Variants in TAOK3 observed in about 807,000 individuals in gnomAD.
TAOK3 encodes the protein serine/threonine-protein kinase TAO3.
Under a neutral mutation model 120.4 loss-of-function variants are expected in TAOK3, and 40 were observed. The observed-to-expected ratio is 0.33, with a 90% CI of 0.26 to 0.43. TAOK3 has a LOEUF of 0.43. Among genes scored for constraint, TAOK3 ranks in the 20% least tolerant of loss-of-function variants. TAOK3 has a pLI of 1.00. For missense variants in TAOK3, 821 were observed against 1,112.1 expected (o/e 0.74, Z 3.72); for synonymous variants, 355 against 387.5 (o/e 0.92, Z 0.99).
chr12:118,179,738 G>C (rs1347972552), intron 15 of TAOK3, among the ~76,000 whole-genome samples: 2 of 144,182 alleles, frequency 1.4e-5, no homozygotes, highest in Non-Finnish European at 3.0e-5. Context: ...TCCGCCTCCC[G>C]GGTTCAAGTG....
At chr12:118,180,836 T>C (rs1200618507) in intron 15 of TAOK3, among the ~76,000 whole-genome samples, 4 of 151,872 alleles carry the variant, frequency 2.6e-5, no homozygotes, top group Non-Finnish European at 5.9e-5. Flanking sequence ...ACTCAGAATA[T>C]ACATAAGTAT....
At chr12:118,250,500 A>C (rs1233633512) in intron 3 of TAOK3, among the ~76,000 whole-genome samples, 1 of 152,184 alleles carries the variant, frequency 6.6e-6, no homozygotes, top group African/African-American at 2.4e-5. Flanking sequence ...TAGCTGCCAG[A>C]CTCTGGTCTT....
At chr12:118,257,214 T>G (rs990740321) in intron 2 of TAOK3, among the ~76,000 whole-genome samples, 3 of 152,210 alleles carry the variant, frequency 2.0e-5, no homozygotes, top group Non-Finnish European at 4.4e-5. Flanking sequence ...ATGTGGTATA[T>G]TCATATAGAA....
chr12:118,247,291 A>C (rs2040557188), intron 3 of TAOK3, among the ~76,000 whole-genome samples: 1 of 152,184 alleles, frequency 6.6e-6, no homozygotes, highest in Non-Finnish European at 1.5e-5. Context: ...ACTGTATTAC[A>C]TATATACATG....
chr12:118,364,736 C>T (rs1174547327), intron 1 of TAOK3, among the ~76,000 whole-genome samples: 2 of 151,928 alleles, frequency 1.3e-5, no homozygotes, highest in East Asian at 3.9e-4. Context: ...GGTGAAATCC[C>T]CCTACTAAAA....
At chr12:118,367,049 C>T (rs1243131557) in intron 1 of TAOK3, among the ~76,000 whole-genome samples, 1 of 152,176 alleles carries the variant, frequency 6.6e-6, no homozygotes, top group Non-Finnish European at 1.5e-5. Context: ...CAGAGTAAGG[C>T]TGTCTCGAAA....
At chr12:118,184,970 A>C (rs928539703) in intron 14 of TAOK3, among the ~76,000 whole-genome samples, 1 of 152,186 alleles carries the variant, frequency 6.6e-6, no homozygotes, top group African/African-American at 2.4e-5. Context: ...ACTCCTAGGA[A>C]ATGCTCAACA....
At chr12:118,323,440 A>G (rs1231584852) in intron 1 of TAOK3, among the ~76,000 whole-genome samples, 2 of 152,202 alleles carry the variant, frequency 1.3e-5, no homozygotes, top group African/African-American at 4.8e-5. Context: ...ACACAGGAAA[A>G]AATAAAACCA....
chr12:118,299,824 TA>T (rs1195461644), intron 1 of TAOK3, among the ~76,000 whole-genome samples: 1 of 152,168 alleles, frequency 6.6e-6, no homozygotes, highest in Non-Finnish European at 1.5e-5. Flanking sequence ...AAGGTTATTT[TA>T]TTTTTTTTTT....
chr12:118,291,057 T>G (rs935643668), intron 1 of TAOK3, among the ~76,000 whole-genome samples: 3 of 151,016 alleles, frequency 2.0e-5, no homozygotes, highest in Non-Finnish European at 2.9e-5. Flanking sequence ...GGTTTTGCCA[T>G]GTTGGCCAGG....
intron 1 of TAOK3, among the ~76,000 whole-genome samples, chr12:118,339,927 C>T (rs2141111279): frequency 6.6e-6 from 1 of 152,234 alleles, no homozygotes; most frequent in Non-Finnish European, 1.5e-5. Context: ...AAATAATAAA[C>T]TACTATTCAT....
In TAOK3 at chr12:118,215,689, A is replaced by C. The variant is rs183703884; in HGVS notation, c.644-1579T>G. 1.6e-3 allele frequency among the ~76,000 whole-genome samples: 247 copies of C among 152,182 alleles called. 3 individuals carry two copies. Among genetic ancestry groups the C allele is most frequent in the Non-Finnish European group, 7.5e-4 (51 of 67,980 alleles). On this transcript the variant is annotated intron_variant, in intron 9 of 20. Coordinates refer to ENST00000392533, the MANE Select transcript of TAOK3 (RefSeq NM_016281.4). Reference sequence around the variant, plus strand: ...TTATAAATAAAGTCTGGTCCATCCCACTCTAAAGAGAAACTCAGTGAGTCA... The same window carrying C: ...TTATAAATAAAGTCTGGTCCATCCCCCTCTAAAGAGAAACTCAGTGAGTCA...
intron 1 of TAOK3, among the ~76,000 whole-genome samples, chr12:118,282,769 C>T (rs561272969): frequency 1.3e-5 from 2 of 152,130 alleles, no homozygotes; most frequent in Admixed American, 6.5e-5. Flanking sequence ...TCTGCTGTGC[C>T]CTGAGCTTGC....
At chr12:118,183,824 A>G (rs1394204384) in intron 14 of TAOK3, among the ~76,000 whole-genome samples, 5 of 152,236 alleles carry the variant, frequency 3.3e-5, no homozygotes, top group Non-Finnish European at 1.5e-5. Context: ...TCAGATTCCC[A>G]AAGCTGAGGC....
At chr12:118,336,870 A>G (rs1402254771) in intron 1 of TAOK3, among the ~76,000 whole-genome samples, 1 of 152,160 alleles carries the variant, frequency 6.6e-6, no homozygotes, top group Non-Finnish European at 1.5e-5. Context: ...CCAGGAGTTC[A>G]TGACCAGCCT....
At position 118,185,178 on chromosome 12, in the gene TAOK3, C is replaced by T. The variant is rs1337631743; in HGVS notation, c.1330-3571G>A. ...TATAATTTCTGAATCTGAATTATTA[C>T]TTATTTCATGTATCTAGAATATGAA... On this transcript the variant is annotated intron_variant, in intron 14 of 20. Coordinates refer to ENST00000392533, the MANE Select transcript of TAOK3 (RefSeq NM_016281.4). Among the ~76,000 whole-genome samples the T allele has an allele frequency of 2.6e-5, 4 of 151,298 alleles. No individual in the cohort carries two copies. The East Asian group carries it at 7.8e-4, about 29-fold the overall frequency.
At chr12:118,204,221 T>A (rs533606738) in intron 11 of TAOK3, among the ~76,000 whole-genome samples, 36 of 149,962 alleles carry the variant, frequency 2.4e-4, no homozygotes, top group African/African-American at 8.6e-4. Context: ...GAGCCGAGAT[T>A]GCACCACAGC....
intron 11 of TAOK3, among the ~76,000 whole-genome samples, chr12:118,201,859 A>G (rs2139287740): frequency 6.6e-6 from 1 of 152,276 alleles, no homozygotes; most frequent in South Asian, 2.1e-4. Flanking sequence ...TTTCCCAGAT[A>G]TAATACAATA....
At chr12:118,304,010 C>T (rs747811564) in intron 1 of TAOK3, among the ~76,000 whole-genome samples, 16 of 152,202 alleles carry the variant, frequency 1.1e-4, no homozygotes, top group Non-Finnish European at 2.2e-4. Flanking sequence ...CCTGGTCTTG[C>T]CCTTCCTTTT....
Sources: allele counts gnomAD v4.1 joint callset (sites outside exome capture counted in the v4.1 genomes callset), GRCh38; gene constraint gnomAD v4.1.1; transcripts MANE v1.5; gene names NCBI Gene and HGNC (gene_info 2026-07-23, HGNC 2026-07-21).